DHRS7C: variants seen among roughly 807,000 people sequenced by gnomAD.
DHRS7C encodes dehydrogenase/reductase SDR family member 7C.
A neutral mutation model predicts 29.6 loss-of-function variants in DHRS7C; 28 were observed. The observed-to-expected ratio is 0.95, with a 90% CI of 0.70 to 1.30. DHRS7C has a LOEUF of 1.30. DHRS7C is among the 50% of genes most tolerant of loss of function. The pLI, the probability that DHRS7C is intolerant of heterozygous loss-of-function variation, is 0.00. For missense variants in DHRS7C, 403 were observed against 393.3 expected, an observed-to-expected ratio of 1.02 and a Z score of -0.21; for synonymous variants, 158 against 160.2, an observed-to-expected ratio of 0.99 and a Z score of 0.10.
intron 4 of DHRS7C, among the ~76,000 whole-genome samples, chr17:9,773,719 C>CTTTTTTTTTTTTTTTTTT (rs757682123): frequency 3.5e-5 from 3 of 86,006 alleles, no homozygotes; most frequent in Non-Finnish European, 6.3e-5. Flanking sequence ...GCAATGAGGC[C>CTTTTTTTTTTTTTTTTTT]TTTTTTTTTT....
chr17:9,787,162 T>G (rs1426969337), intron 1 of DHRS7C, among the ~76,000 whole-genome samples: 2 of 152,166 alleles, frequency 1.3e-5, no homozygotes, highest in African/African-American at 2.4e-5. Flanking sequence ...GCCAGGGTAG[T>G]CTCGTACTCC....
chr17:9,782,388 C>T (rs374186749), intron 1 of DHRS7C, among the ~76,000 whole-genome samples: 5 of 152,074 alleles, frequency 3.3e-5, no homozygotes, highest in Admixed American at 2.6e-4. Context: ...GACAGCCTAT[C>T]GGGGAGTGAG....
rs1387300475 is a variant in DHRS7C, at chr17:9,774,011, C to G, written c.572-1089G>C. ...GTGCTGGGATTACAGGCGTGAGCCA[C>G]CACGCCCAGCAAAACCATGCACTTT... is the stretch of plus-strand genomic sequence containing the variant. On this transcript the variant is annotated intron_variant, in intron 4 of 5. Coordinates refer to ENST00000571134, the MANE Select transcript of DHRS7C (RefSeq NM_001105571.3). This position sits in a 1 kb window ranked among gnomAD's most constrained non-coding sequence, Gnocchi z 5.0. 6.6e-6 allele frequency among the ~76,000 whole-genome samples: 1 copy of G among 152,160 alleles called. No homozygotes were observed. The highest frequency in any genetic ancestry group is 1.5e-5 in the Non-Finnish European group (1 of 68,036).
intron 1 of DHRS7C, among the ~76,000 whole-genome samples, chr17:9,783,937 T>G (rs1597928834): frequency 6.2e-5 from 2 of 32,142 alleles, no homozygotes; most frequent in African/African-American, 1.3e-4. Context: ...TGAGACTCTG[T>G]TTTTTTTTTG....
rs1016698581 is a variant in DHRS7C, at chr17:9,774,905, A to T, written c.572-1983T>A. On this transcript the variant is annotated intron_variant, in intron 4 of 5. Transcript: ENST00000571134. This position sits in a 1 kb window ranked among gnomAD's most constrained non-coding sequence, Gnocchi z 5.0. ...GCATGGCTTCAGTTCTGACATTTAC[A>T]TGGGAAACTCTGTGCCCCTCAATTC... 6.6e-6 allele frequency among the ~76,000 whole-genome samples: 1 copy of T among 152,164 alleles called. No homozygotes were observed. Among genetic ancestry groups the T allele is most frequent in the Non-Finnish European group, 1.5e-5 (1 of 68,026 alleles).
chr17:9,790,577 T>A (rs1016788607), intron 1 of DHRS7C, among the ~76,000 whole-genome samples: 1 of 152,270 alleles, frequency 6.6e-6, no homozygotes, highest in Non-Finnish European at 1.5e-5. Flanking sequence ...TATGTGTTCA[T>A]GATCATCATT....
chr17:9,784,902 A>G (rs962138884), intron 1 of DHRS7C, among the ~76,000 whole-genome samples: 3 of 152,248 alleles, frequency 2.0e-5, no homozygotes, highest in Non-Finnish European at 2.9e-5. Flanking sequence ...GAAGTTCGCA[A>G]TAGAGTAAGT....
chr17:9,774,600 A>ATGCAGGAAAGAGATGTGTGCC lies in DHRS7C; in HGVS notation c.572-1699_572-1679dup, dbSNP rs1191285816. 7.9e-5 allele frequency among the ~76,000 whole-genome samples: 12 copies of ATGCAGGAAAGAGATGTGTGCC among 152,226 alleles called. No individual in the cohort carries two copies. The highest frequency in any genetic ancestry group is 2.6e-4 in the African/African-American group (11 of 41,540). On this transcript the variant is annotated intron_variant, in intron 4 of 5. Transcript: ENST00000571134. This position sits in a 1 kb window ranked among gnomAD's most constrained non-coding sequence, Gnocchi z 5.0. Reference sequence around the variant, plus strand: ...TGCCCGGCCCCATGTGGCATGGTTAATGCAGGAAAGAGATGTGTGCCTGCA... The same window carrying ATGCAGGAAAGAGATGTGTGCC: ...TGCCCGGCCCCATGTGGCATGGTTAATGCAGGAAAGAGATGTGTGCCTGCAGGAAAGAGATGTGTGCCTGCA...
rs1464447715 is a variant in DHRS7C, at chr17:9,775,778, T to G, written c.571+1415A>C. The stretch of plus-strand genomic sequence containing the variant: ...AATTCTGTTATCAGCCTCCGAAAAT[T>G]TATATGCTGAAACCCAATACCCAGT... On this transcript the variant is annotated intron_variant, in intron 4 of 5. Transcript: ENST00000571134. This position sits in a 1 kb window ranked among gnomAD's most constrained non-coding sequence, Gnocchi z 4.2. Among the ~76,000 whole-genome samples the G allele has an allele frequency of 1.3e-5, 2 of 152,146 alleles. No individual in the cohort carries two copies. The highest frequency in any genetic ancestry group is 2.9e-5 in the Non-Finnish European group (2 of 68,022).
intron 1 of DHRS7C, among the ~76,000 whole-genome samples, chr17:9,786,037 C>A (rs2066421186): frequency 1.3e-5 from 2 of 151,760 alleles, no homozygotes; most frequent in Admixed American, 6.6e-5. Context: ...TAATAGTAAT[C>A]AGAGGCCGGG....
chr17:9,782,474 A>T (rs2066398396), intron 1 of DHRS7C, among the ~76,000 whole-genome samples: 1 of 152,124 alleles, frequency 6.6e-6, no homozygotes, highest in African/African-American at 2.4e-5. Flanking sequence ...AAGACTCTGG[A>T]GTCTAAACTC....
intron 1 of DHRS7C, among the ~76,000 whole-genome samples, chr17:9,786,362 AATAATT>A (rs1176784385): frequency 0.016 from 2,209 of 141,540 alleles, 30 homozygotes; most frequent in South Asian, 0.035. Flanking sequence ...TAATAATAAT[AATAATT>A]AATCAGAAAA....
intron 2 of DHRS7C, among the ~76,000 whole-genome samples, chr17:9,780,326 G>A (rs963000939): frequency 4.6e-5 from 7 of 152,030 alleles, no homozygotes; most frequent in Non-Finnish European, 8.8e-5. Context: ...TGCCCTTCAC[G>A]GCAGTCCCTT....
intron 4 of DHRS7C, among the ~76,000 whole-genome samples, chr17:9,773,318 A>T (rs1037246724): frequency 2.6e-5 from 4 of 152,044 alleles, no homozygotes; most frequent in Admixed American, 2.6e-4. Context: ...TGCCTAAGAA[A>T]CTTGTCCAAG....
intron 5 of DHRS7C, among the ~76,000 whole-genome samples, chr17:9,772,413 C>T (rs1347777659): frequency 6.6e-6 from 1 of 152,186 alleles, no homozygotes; most frequent in African/African-American, 2.4e-5. Flanking sequence ...TCGGCCTCCA[C>T]TCTGTGCAAG....
At chr17:9,773,741 T>TTC (rs57969612) in intron 4 of DHRS7C, among the ~76,000 whole-genome samples, 5,248 of 129,088 alleles carry the variant, frequency 0.041, 399 homozygotes, top group African/African-American at 0.11. Flanking sequence ...TTTTTTTTTT[T>TTC]TGAGACGGCG....
At chr17:9,776,905 C>T (rs1001099006) in intron 4 of DHRS7C, among the ~76,000 whole-genome samples, 7 of 152,120 alleles carry the variant, frequency 4.6e-5, no homozygotes, top group South Asian at 2.1e-4. Context: ...GTGACCTTCA[C>T]CTGGCATTGT....
chr17:9,780,909 C>G (rs958449207), intron 2 of DHRS7C, among the ~76,000 whole-genome samples: 6 of 152,192 alleles, frequency 3.9e-5, no homozygotes, highest in African/African-American at 1.2e-4. Flanking sequence ...CTGTGTTGTC[C>G]TGTTTGATTC....
At position 9,775,276 on chromosome 17, in the gene DHRS7C, A is replaced by T. The variant is rs1309766909; in HGVS notation, c.571+1917T>A. 6.6e-6 allele frequency among the ~76,000 whole-genome samples: 1 copy of T among 152,216 alleles called. No homozygotes were observed. The highest frequency in any genetic ancestry group is 1.9e-4 in the East Asian group (1 of 5,206). ...TAAGTGGACTGGGGAAGAGAGGAAA[A>T]GGCAGGATGTGGCAAAGACTGCTGT... On this transcript the variant is annotated intron_variant, in intron 4 of 5. Coordinates refer to ENST00000571134, the MANE Select transcript of DHRS7C (RefSeq NM_001105571.3). This position sits in a 1 kb window ranked among gnomAD's most constrained non-coding sequence, Gnocchi z 4.2.
Sources: gnomAD v4.1 joint callset for allele counts (sites outside exome capture counted in the v4.1 genomes callset) on GRCh38, gnomAD v4.1.1 for gene constraint, Gnocchi (gnomAD v3.1) non-coding constraint, MANE v1.5 for transcripts, NCBI Gene and HGNC (gene_info 2026-07-23, HGNC 2026-07-21) for gene names.